The following CADM2 variants were observed in gnomAD, a reference collection of about 807,000 sequenced individuals.
CADM2 encodes immunoglobulin superfamily member 4D.
Under a neutral mutation model 49.8 loss-of-function variants are expected in CADM2, and 12 were observed. That is an observed-to-expected ratio of 0.24 (90% CI 0.15 to 0.39). The LOEUF (loss-of-function observed/expected upper bound fraction) is 0.39. CADM2 is among the 10% of genes least tolerant of loss of function. The pLI is 1.00. For synonymous variants in CADM2, 214 were observed against 175.4 expected (o/e 1.22, Z -1.74); for missense variants, 378 against 492.3 (o/e 0.77, Z 2.20).
At chr3:86,010,499 C>T (rs534371384) in intron 8 of CADM2, among the ~76,000 whole-genome samples, 1 of 151,088 alleles carries the variant, frequency 6.6e-6, no homozygotes, top group African/African-American at 2.4e-5. Context: ...TTAGGAATAA[C>T]CTCTTGAGAC....
At chr3:85,747,042 C>A (rs2068647761) in intron 2 of CADM2, among the ~76,000 whole-genome samples, 1 of 151,884 alleles carries the variant, frequency 6.6e-6, no homozygotes, top group Non-Finnish European at 1.5e-5. Context: ...AAGAGAAGAC[C>A]AAAGCAGATC....
chr3:85,937,124 T>C (rs2108542019), intron 7 of CADM2, among the ~76,000 whole-genome samples: 1 of 151,970 alleles, frequency 6.6e-6, no homozygotes, highest in East Asian at 1.9e-4. Flanking sequence ...ATTTTACTTA[T>C]GGAAATTATT....
intron 8 of CADM2, chr3:85,992,190 TCA>T (rs1728861527): frequency 6.6e-6 from 1 of 152,052 alleles, no homozygotes; most frequent in South Asian, 2.1e-4. Flanking sequence ...GCAAATATTC[TCA>T]GAGATTTTAT....
At chr3:85,178,374 A>C (rs1381626347) in intron 1 of CADM2, among the ~76,000 whole-genome samples, 1 of 151,960 alleles carries the variant, frequency 6.6e-6, no homozygotes, top group African/African-American at 2.4e-5. Context: ...TATTTGGGAT[A>C]AACCCTTGGA....
chr3:85,018,441 G>A (rs761971370), intron 1 of CADM2, among the ~76,000 whole-genome samples: 3 of 152,026 alleles, frequency 2.0e-5, no homozygotes, highest in Non-Finnish European at 2.9e-5. Context: ...GCAGTGGTGC[G>A]ATCTTGGCTC....
At position 85,103,850 on chromosome 3, in the gene CADM2, G is replaced by A. The variant is rs141573508; in HGVS notation, c.61+144182G>A. 4.2e-4 allele frequency among the ~76,000 whole-genome samples: 64 copies of A among 152,206 alleles called. No homozygotes were observed. In the East Asian group the frequency reaches 8.7e-3, roughly 21 times the overall value. On this transcript the variant is annotated intron_variant, in intron 1 of 9. Coordinates refer to ENST00000383699, the MANE Select transcript of CADM2 (RefSeq NM_001167675.2). Reference sequence around the variant, plus strand: ...AACAGTTTTGACCACATTGTGTGGCGGAGGAATGTAGTGGGCTAGGATGAC... The same window carrying A: ...AACAGTTTTGACCACATTGTGTGGCAGAGGAATGTAGTGGGCTAGGATGAC...
chr3:85,743,326 G>A (rs1305416270), intron 2 of CADM2, among the ~76,000 whole-genome samples: 3 of 152,138 alleles, frequency 2.0e-5, no homozygotes, highest in Admixed American at 2.0e-4. Context: ...GATATTGGAA[G>A]TGAATATCAA....
At chr3:85,321,112 ATATATTTTTTTTTTTTTTTTTT>A (rs869191482) in intron 1 of CADM2, among the ~76,000 whole-genome samples, 27 of 35,852 alleles carry the variant, frequency 7.5e-4, no homozygotes, top group Non-Finnish European at 8.1e-4. Context: ...ATATATATAT[ATATATTTTTTTTTTTTTTTTTT>A]TTTTTTTTTT....
chr3:85,076,397 G>A (rs978431787), intron 1 of CADM2, among the ~76,000 whole-genome samples: 3 of 151,480 alleles, frequency 2.0e-5, no homozygotes, highest in Non-Finnish European at 4.4e-5. Context: ...AGGCTGGAGT[G>A]AGGGCAATGG....
Position 85,942,880 on chromosome 3 carries a change from TC to T in CADM2, c.791+7025del, listed in dbSNP as rs775705502. Among the ~76,000 whole-genome samples the T allele has an allele frequency of 1.9e-4, 29 of 152,210 alleles. No individual in the cohort carries two copies. The East Asian group carries it at 3.7e-3, about 19-fold the overall frequency. Reference sequence around the variant, plus strand: ...TGGGATGGCTGGGTCAAATGGTATTTCCAGTTCTAGATCCCTGAGGAATCGC... The same window carrying T: ...TGGGATGGCTGGGTCAAATGGTATTTCAGTTCTAGATCCCTGAGGAATCGC... On this transcript the variant is annotated intron_variant, in intron 7 of 9. Coordinates refer to ENST00000383699, the MANE Select transcript of CADM2 (RefSeq NM_001167675.2).
At chr3:85,465,654 T>G (rs1327578404) in intron 1 of CADM2, among the ~76,000 whole-genome samples, 1 of 152,238 alleles carries the variant, frequency 6.6e-6, no homozygotes, top group Admixed American at 6.5e-5. Context: ...AAGATATCCA[T>G]GAAGATTATA....
intron 1 of CADM2, among the ~76,000 whole-genome samples, chr3:85,102,925 G>C (rs1057340997): frequency 6.6e-6 from 1 of 152,136 alleles, no homozygotes; most frequent in Non-Finnish European, 1.5e-5. Context: ...GGCCTTGTGA[G>C]TCAATGATAA....
chr3:85,805,697 T>C (rs1303692975), intron 3 of CADM2: 2 of 152,290 alleles, frequency 1.3e-5, no homozygotes, highest in East Asian at 3.9e-4. Flanking sequence ...ATTTTAAGGC[T>C]TGTCTTGAGC....
At chr3:85,774,213 A>G (rs2070244633) in intron 2 of CADM2, among the ~76,000 whole-genome samples, 1 of 151,908 alleles carries the variant, frequency 6.6e-6, no homozygotes, top group African/African-American at 2.4e-5. Flanking sequence ...AAACAGTTGT[A>G]CAGTCTCCTG....
chr3:85,337,160 G>T (rs1354672097), intron 1 of CADM2, among the ~76,000 whole-genome samples: 2 of 149,170 alleles, frequency 1.3e-5, no homozygotes, highest in African/African-American at 4.9e-5. Context: ...TGCTTTTAAA[G>T]CTCCTTCTCC....
chr3:85,247,372 A>G (rs548416109), intron 1 of CADM2, among the ~76,000 whole-genome samples: 4 of 152,150 alleles, frequency 2.6e-5, no homozygotes, highest in East Asian at 1.9e-4. Context: ...TCTTTTTTCT[A>G]TTTTCCGATA....
chr3:85,302,031 A>G (rs551959180), intron 1 of CADM2, among the ~76,000 whole-genome samples: 1 of 152,190 alleles, frequency 6.6e-6, no homozygotes, highest in East Asian at 1.9e-4. Flanking sequence ...AGAAAATCAG[A>G]TGTGATGATA....
Position 85,657,919 on chromosome 3 carries a change from A to G in CADM2, c.62-68603A>G, listed in dbSNP as rs184651643. 6.6e-3 allele frequency among the ~76,000 whole-genome samples: 1,004 copies of G among 151,916 alleles called. 18 individuals carry two copies. Among genetic ancestry groups the G allele is most frequent in the African/African-American group, 0.023 (967 of 41,494 alleles). ...TAAGGTAAGATCATACTGGAGTTAA[A>G]TGAATTGGAAGACGAGATTGAACAC... On this transcript the variant is annotated intron_variant, in intron 1 of 9. Transcript: ENST00000383699.
chr3:85,853,975 G>C (rs1434215864), intron 3 of CADM2, among the ~76,000 whole-genome samples: 2 of 152,122 alleles, frequency 1.3e-5, no homozygotes, highest in African/African-American at 4.8e-5. Flanking sequence ...GTGATGTAAT[G>C]ATGAGCCAGC....
Sources: gnomAD v4.1 joint callset for allele counts (sites outside exome capture counted in the v4.1 genomes callset) on GRCh38, gnomAD v4.1.1 for gene constraint, MANE v1.5 for transcripts, NCBI Gene and HGNC (gene_info 2026-07-23, HGNC 2026-07-21) for gene names.